Variants in PFKP observed in about 807,000 individuals in gnomAD.
PFKP encodes phosphofructokinase, platelet.
Under a neutral mutation model 94.3 loss-of-function variants are expected in PFKP, and 101 were observed. The ratio of observed to expected loss-of-function variants is 1.07; its 90% CI spans 0.91 to 1.26. PFKP has a LOEUF of 1.26. PFKP is among the 50% of genes most tolerant of loss of function. PFKP has a pLI of 0.00. For missense variants in PFKP, 1,145 were observed against 1,103.3 expected, an observed-to-expected ratio of 1.04 and a Z score of -0.53; for synonymous variants, 573 against 432.6, an observed-to-expected ratio of 1.32 and a Z score of -4.03.
chr10:3,135,793 T>TTA lies in PFKP; in HGVS notation c.2182_2183dup (p.Gln730PhefsTer7), dbSNP rs775729449. On this transcript the variant is annotated frameshift_variant, in exon 21 of 22. Coordinates refer to ENST00000381125, the MANE Select transcript of PFKP (RefSeq NM_002627.5). LOFTEE classifies it low-confidence loss of function (END_TRUNC). ...GTGCTGGGAATAAGCAAAAGAAACG[T>TTA]TATTTTTCAACCTGTGGCAGAGCTG... 3 of 1,613,878 alleles carry TTA rather than the reference T, an allele frequency of 1.9e-6. No individual in the cohort carries two copies. Among genetic ancestry groups the TTA allele is most frequent in the Non-Finnish European group, 8.5e-7 (1 of 1,179,766 alleles).
At chr10:3,120,918 AT>A (rs898594639) in intron 16 of PFKP, among the ~76,000 whole-genome samples, 7 of 151,706 alleles carry the variant, frequency 4.6e-5, no homozygotes, top group Admixed American at 4.6e-4. Flanking sequence ...AAAGCATTTC[AT>A]TTTTTTAAAA....
chr10:3,128,809 T>A (rs1260124489), intron 16 of PFKP, among the ~76,000 whole-genome samples: 2 of 152,298 alleles, frequency 1.3e-5, no homozygotes, highest in East Asian at 3.9e-4. Flanking sequence ...GGGATAGGAC[T>A]GGGATTCCTT....
intron 10 of PFKP, among the ~76,000 whole-genome samples, chr10:3,109,686 G>A (rs1180545859): frequency 6.6e-6 from 1 of 152,204 alleles, no homozygotes; most frequent in Non-Finnish European, 1.5e-5. Context: ...TCGCTCTTTG[G>A]TTTTCTAAGT....
At chr10:3,122,225 C>T (rs1411115669) in intron 16 of PFKP, among the ~76,000 whole-genome samples, 1 of 151,640 alleles carries the variant, frequency 6.6e-6, no homozygotes, top group East Asian at 1.9e-4. Context: ...ATGTGTGTGT[C>T]CTTGTTGCCC....
At chr10:3,078,627 A>G (rs1034874089) in intron 1 of PFKP, among the ~76,000 whole-genome samples, 1 of 152,238 alleles carries the variant, frequency 6.6e-6, no homozygotes, top group African/African-American at 2.4e-5. Flanking sequence ...TTAAAATGAA[A>G]TAAGACTAGG....
intron 13 of PFKP, among the ~76,000 whole-genome samples, chr10:3,114,167 T>TTG (rs5782684): frequency 3.3e-5 from 5 of 151,584 alleles, no homozygotes; most frequent in African/African-American, 1.2e-4. Context: ...TTTTTTTTTT[T>TTG]GAGACGAAGT....
chr10:3,119,855 T>A, intron 15 of PFKP, 37 bp from the exon 16 acceptor site: 2 of 1,609,396 alleles, frequency 1.2e-6, no homozygotes, highest in Non-Finnish European at 1.7e-6. Context: ...CTCCCCAGCT[T>A]CCCTCTCGCC....
rs140394338 is a variant in PFKP at position 3,132,372 on chromosome 10, T to C, written c.1849-8T>C. ...TTATTGTCTGATTAACAAAATACTC[T>C]CTTCCAGTCCAACGTGGAGCACCTG... On this transcript the variant is annotated splice_region_variant and splice_polypyrimidine_tract_variant and intron_variant, in intron 17 of 21. Transcript: ENST00000381125. The C allele has an allele frequency of 7.6e-4, 1,213 of 1,601,992 alleles. 2 individuals are homozygous for C. The highest frequency in any genetic ancestry group is 7.7e-4 in the Non-Finnish European group (902 of 1,169,044).
chr10:3,068,647 AG>A, intron 1 of PFKP: 2 of 984,876 alleles, frequency 2.0e-6, no homozygotes, highest in South Asian at 4.7e-5. Flanking sequence ...GAAGAGCGGA[AG>A]GTGGCGGAGA....
At chr10:3,086,750 T>C (rs989172248) in intron 2 of PFKP, among the ~76,000 whole-genome samples, 21 of 152,142 alleles carry the variant, frequency 1.4e-4, no homozygotes, top group African/African-American at 4.8e-5. Flanking sequence ...ATGCAGTCCC[T>C]GGCCCACTTT....
intron 2 of PFKP, among the ~76,000 whole-genome samples, chr10:3,084,152 C>T (rs952313821): frequency 6.6e-5 from 10 of 152,258 alleles, no homozygotes; most frequent in East Asian, 1.9e-4. Context: ...TATCAGGCAC[C>T]GACTGAGCTA....
intron 10 of PFKP, among the ~76,000 whole-genome samples, chr10:3,110,365 A>ATTTTTTTTTTTTTTTTT (rs57980780): frequency 1.1e-5 from 1 of 92,576 alleles, no homozygotes. Context: ...CGCCTGGCTA[A>ATTTTTTTTTTTTTTTTT]TTTTTTTTTT....
intron 16 of PFKP, among the ~76,000 whole-genome samples, chr10:3,123,265 G>A (rs1837605403): frequency 6.6e-6 from 1 of 152,218 alleles, no homozygotes; most frequent in Non-Finnish European, 1.5e-5. Context: ...CAGAAGCACA[G>A]TAAGCTGCTG....
chr10:3,131,203 C>T (rs1451318710), intron 17 of PFKP, among the ~76,000 whole-genome samples: 1 of 152,092 alleles, frequency 6.6e-6, no homozygotes, highest in Non-Finnish European at 1.5e-5. Flanking sequence ...CAATTGCCTG[C>T]AGTATTCAAC....
intron 13 of PFKP, among the ~76,000 whole-genome samples, chr10:3,115,700 C>T (rs566023838): frequency 7.2e-5 from 11 of 152,266 alleles, no homozygotes; most frequent in Admixed American, 2.6e-4. Flanking sequence ...AGCGTCTCCA[C>T]GTAGTTAAAG....
At chr10:3,135,656 C>T (rs778796723) in intron 20 of PFKP, 80 bp from the exon 21 acceptor site, 133 of 848,856 alleles carry the variant, frequency 1.6e-4, no homozygotes, top group Non-Finnish European at 2.4e-4. Context: ...AATCTCAGTT[C>T]TCATCTCGCC....
intron 1 of PFKP, among the ~76,000 whole-genome samples, chr10:3,080,446 G>A (rs1340916871): frequency 2.0e-5 from 3 of 150,408 alleles, no homozygotes; most frequent in Non-Finnish European, 4.4e-5. Context: ...GAACCTGGGA[G>A]GCGGAGCTTG....
chr10:3,133,226 A>C lies in PFKP; in HGVS notation c.1934A>C (p.Tyr645Ser). 3 of 1,613,908 alleles carry C rather than the reference A, an allele frequency of 1.9e-6. No homozygotes were observed. The highest frequency in any genetic ancestry group is 1.1e-5 in the South Asian group (1 of 91,082). The change falls in exon 19 of 22, where the codon TAC (tyrosine) becomes TCC (serine). Residue 645 changes from tyrosine (Y) to serine (S), a missense_variant. Physicochemically the swap from Tyr to Ser is moderately radical, Grantham distance 144 (BLOSUM62 -2). Transcript: ENST00000381125. ...VLRNESCSEN[Y>S]TTDFIYQLYS... ...AGAAATGAGAGCTGCAGTGAAAACT[A>C]CACCACCGACTTCATTTACCAGCTG... is the stretch of plus-strand genomic sequence containing the variant.
intron 16 of PFKP, 34 bp from the exon 17 acceptor site, chr10:3,129,785 G>A (rs1838356484): frequency 6.2e-7 from 1 of 1,610,886 alleles, no homozygotes; most frequent in African/African-American, 1.3e-5. Flanking sequence ...CCCCGGGCCT[G>A]GGCTGGAGTG....
Sources: gnomAD v4.1 joint callset for allele counts (sites outside exome capture counted in the v4.1 genomes callset) on GRCh38, gnomAD v4.1.1 for gene constraint, MANE v1.5 for transcripts, NCBI Gene and HGNC (gene_info 2026-07-23, HGNC 2026-07-21) for gene names.